RGPD2: variants seen among roughly 807,000 people sequenced by gnomAD.
The protein encoded by RGPD2 is RANBP2 like and GRIP domain containing 2, also known as RANBP2-like and GRIP domain-containing protein 2.
RGPD2 carries 2 observed loss-of-function variants against 36.0 expected under a neutral mutation model. The ratio of observed to expected loss-of-function variants is 0.06; its 90% confidence interval spans 0.02 to 0.17. The LOEUF (loss-of-function observed/expected upper bound fraction) is 0.17, where lower values mean the gene tolerates loss of function less well. RGPD2 is among the 10% of genes least tolerant of loss of function. RGPD2 has a pLI of 1.00. For synonymous variants in RGPD2, 19 were observed against 163.8 expected (o/e 0.12, Z 6.75); for missense variants, 40 against 464.3 (o/e 0.09, Z 8.40).
At chr2:87,829,495 T>TA (rs1366964701), upstream of RGPD2, among the ~76,000 whole-genome samples, 165 of 152,036 alleles carry the variant, frequency 1.1e-3, no homozygotes, top group African/African-American at 3.9e-3. Context: ...CACAGTAATT[T>TA]AAAAAAACAA....
the RGPD2 span, among the ~76,000 whole-genome samples, chr2:87,967,319 A>G: frequency 6.7e-6 from 1 of 149,438 alleles, no homozygotes; most frequent in African/African-American, 2.6e-5. Context: ...GAGGCAGGAC[A>G]ACAGTGTGAA....
chr2:87,830,816 G>T, the RGPD2 span, among the ~76,000 whole-genome samples: 1 of 151,966 alleles, frequency 6.6e-6, no homozygotes, highest in Non-Finnish European at 1.5e-5. Flanking sequence ...TCACTATCAC[G>T]AGAACAGCAC....
At chr2:87,945,094 A>C in the RGPD2 span, among the ~76,000 whole-genome samples, 2 of 152,032 alleles carry the variant, frequency 1.3e-5, no homozygotes, top group Non-Finnish European at 2.9e-5. Flanking sequence ...ACACAAAAAA[A>C]TGAAAAAGAT....
the RGPD2 span, among the ~76,000 whole-genome samples, chr2:87,847,090 A>AGG: frequency 6.6e-6 from 1 of 152,232 alleles, no homozygotes; most frequent in Non-Finnish European, 1.5e-5. Context: ...AATTCATCAA[A>AGG]TTGGTAATGA....
chr2:87,921,291 G>C, the RGPD2 span, among the ~76,000 whole-genome samples: 1 of 152,100 alleles, frequency 6.6e-6, no homozygotes, highest in Non-Finnish European at 1.5e-5. Flanking sequence ...TAAGCCCCCA[G>C]GGAAGCTTTT....
At chr2:87,958,706 G>A in the RGPD2 span, among the ~76,000 whole-genome samples, 5,857 of 150,854 alleles carry the variant, frequency 0.039, 7 homozygotes, top group African/African-American at 0.14. Context: ...TGTTACATAT[G>A]TGACTTTCAA....
At chr2:87,921,663 C>T in the RGPD2 span, among the ~76,000 whole-genome samples, 4 of 152,116 alleles carry the variant, frequency 2.6e-5, no homozygotes, top group East Asian at 5.8e-4. Context: ...TGTTCTCATG[C>T]ACATAATGTG....
chr2:87,894,209 A>G, the RGPD2 span, among the ~76,000 whole-genome samples: 3 of 152,168 alleles, frequency 2.0e-5, no homozygotes, highest in South Asian at 6.2e-4. Context: ...TTATTATGCA[A>G]CAATATGAAA....
At chr2:87,958,615 A>G in the RGPD2 span, among the ~76,000 whole-genome samples, 3 of 152,366 alleles carry the variant, frequency 2.0e-5, no homozygotes, top group South Asian at 2.1e-4. Flanking sequence ...ATAAAATGTT[A>G]CTACCTCATT....
At chr2:87,938,941 T>C in the RGPD2 span, among the ~76,000 whole-genome samples, 1 of 44,300 alleles carries the variant, frequency 2.3e-5, no homozygotes, top group South Asian at 9.0e-4. Context: ...AGTGTGTGCG[T>C]GCACGTTCAC....
Position 87,824,381 on chromosome 2 carries a change from T to C in RGPD2, c.72+1277A>G, listed in dbSNP as rs1344866395. ...AATGGAAGACTAGAAAGATATGATA[T>C]ACAGACGCATCATCACACTCCAAAA... On this transcript the variant is annotated intron_variant, in intron 1 of 22. Coordinates refer to ENST00000398146, the MANE Select transcript of RGPD2 (RefSeq NM_001078170.3). Among the ~76,000 whole-genome samples the C allele has an allele frequency of 7.2e-5, 11 of 152,118 alleles. 1 individual carries two copies. In the South Asian group the frequency reaches 8.3e-4, roughly 11 times the overall value.
At chr2:87,843,601 T>C in the RGPD2 span, among the ~76,000 whole-genome samples, 1 of 148,616 alleles carries the variant, frequency 6.7e-6, no homozygotes, top group Non-Finnish European at 1.5e-5. Context: ...GGAACACTTT[T>C]ACACTGTTGG....
chr2:87,943,379 C>T, the RGPD2 span, among the ~76,000 whole-genome samples: 4 of 151,112 alleles, frequency 2.6e-5, no homozygotes, highest in African/African-American at 9.7e-5. Context: ...TTTCATATAC[C>T]TTTGGCCACT....
At chr2:87,824,855 A>AGGCCGCCGCCGCCGCCGGCCG (rs1413598183) in intron 1 of RGPD2, 4 of 53,306 alleles carry the variant, frequency 7.5e-5, no homozygotes, top group Admixed American at 6.0e-4. Flanking sequence ...GGCCAGGCCG[A>AGGCCGCCGCCGCCGCCGGCCG]GGCCGAGGCC....
At chr2:87,854,927 T>C in the RGPD2 span, among the ~76,000 whole-genome samples, 3 of 152,224 alleles carry the variant, frequency 2.0e-5, no homozygotes, top group Non-Finnish European at 4.4e-5. Flanking sequence ...TTGATATACA[T>C]ATGCATTGTG....
chr2:87,984,292 C>A, the RGPD2 span, among the ~76,000 whole-genome samples: 1 of 152,140 alleles, frequency 6.6e-6, no homozygotes, highest in Non-Finnish European at 1.5e-5. Context: ...CATTACTTGA[C>A]CTCACAGTTT....
At chr2:87,825,512 G>GGCCGCC (rs1168322756) in intron 1 of RGPD2, 146 bp downstream of exon 1, 1 of 123,452 alleles carries the variant, frequency 8.1e-6, no homozygotes, top group Admixed American at 1.7e-4. Flanking sequence ...CCGAGGCCGA[G>GGCCGCC]GCCGCCGCCC....
At chr2:87,961,467 G>T in the RGPD2 span, among the ~76,000 whole-genome samples, 6 of 151,978 alleles carry the variant, frequency 3.9e-5, no homozygotes, top group South Asian at 8.3e-4. Context: ...TTGGGAGGCC[G>T]AGGCGGGCGG....
chr2:87,969,461 A>G, the RGPD2 span, among the ~76,000 whole-genome samples: 3 of 148,784 alleles, frequency 2.0e-5, no homozygotes, highest in Non-Finnish European at 4.5e-5. Context: ...GTTTGAGACC[A>G]GCCTGGCCAA....
Sources: allele counts gnomAD v4.1 joint callset (sites outside exome capture counted in the v4.1 genomes callset), GRCh38; gene constraint gnomAD v4.1.1; transcripts MANE v1.5; gene names NCBI Gene and HGNC (gene_info 2026-07-23, HGNC 2026-07-21).